The following ZBTB20 variants were observed in gnomAD, a reference collection of about 807,000 sequenced individuals.
ZBTB20 encodes zinc finger and BTB domain containing 20.
ZBTB20 carries 9 observed loss-of-function variants against 56.9 expected under a neutral mutation model. The observed-to-expected ratio is 0.16, with a 90% CI of 0.10 to 0.28. ZBTB20 has a LOEUF of 0.28. ZBTB20 is among the 10% of genes least tolerant of loss of function. The pLI is 1.00. For missense variants in ZBTB20, 655 were observed against 1,003.0 expected (o/e 0.65, Z 4.69); for synonymous variants, 417 against 420.7 (o/e 0.99, Z 0.11).
chr3:115,109,856 T>TA (rs2083824043), intron 1 of ZBTB20, among the ~76,000 whole-genome samples: 1 of 152,126 alleles, frequency 6.6e-6, no homozygotes, highest in South Asian at 2.1e-4. Flanking sequence ...ACTAGTATAT[T>TA]AAAAAATAGC....
chr3:114,443,002 T>C (rs191511505), intron 7 of ZBTB20, among the ~76,000 whole-genome samples: 1 of 152,258 alleles, frequency 6.6e-6, no homozygotes, highest in African/African-American at 2.4e-5. Flanking sequence ...TCAAGCTAGA[T>C]AAAAATGCTA....
Position 114,847,946 on chromosome 3 carries a change from A to G in ZBTB20, c.-416-46772T>C, listed in dbSNP as rs115727379. 6.0e-3 allele frequency among the ~76,000 whole-genome samples: 916 copies of G among 152,310 alleles called. 12 individuals are homozygous for G. Among genetic ancestry groups the G allele is most frequent in the African/African-American group, 0.02 (851 of 41,562 alleles). On this transcript the variant is annotated intron_variant, in intron 4 of 11. Coordinates refer to ENST00000675478, the MANE Select transcript of ZBTB20 (RefSeq NM_001348800.3). ...AAATACTTTCTAGCTTTCAGGAAGT[A>G]ATGCATCTAATTGACAGAACCACTC...
intron 3 of ZBTB20, among the ~76,000 whole-genome samples, chr3:114,907,474 G>T (rs2075364235): frequency 6.6e-6 from 1 of 151,904 alleles, no homozygotes; most frequent in Admixed American, 6.6e-5. Flanking sequence ...AGTCTGAGAT[G>T]CACCGCATAA....
intron 1 of ZBTB20, among the ~76,000 whole-genome samples, chr3:115,105,309 T>C (rs114150280): frequency 0.011 from 1,623 of 151,926 alleles, 15 homozygotes; most frequent in South Asian, 0.028. Flanking sequence ...GAATTATTTT[T>C]AGTCTCATTT....
intron 6 of ZBTB20, among the ~76,000 whole-genome samples, chr3:114,538,901 C>T (rs1188054882): frequency 6.6e-6 from 1 of 152,106 alleles, no homozygotes; most frequent in Non-Finnish European, 1.5e-5. Flanking sequence ...ATGACTTGAG[C>T]ACATGCCAAT....
chr3:114,362,162 G>A (rs2081960113), intron 10 of ZBTB20, among the ~76,000 whole-genome samples: 1 of 152,138 alleles, frequency 6.6e-6, no homozygotes, highest in African/African-American at 2.4e-5. Flanking sequence ...CCTGAATGTT[G>A]AGGAGTGTTG....
chr3:114,785,472 A>G (rs2070410859), intron 5 of ZBTB20, among the ~76,000 whole-genome samples: 1 of 152,140 alleles, frequency 6.6e-6, no homozygotes, highest in Admixed American at 6.6e-5. Flanking sequence ...GTTGAATGTT[A>G]TCAGTGGTTA....
At chr3:115,033,415 T>G (rs1235980048) in intron 2 of ZBTB20, among the ~76,000 whole-genome samples, 1 of 151,648 alleles carries the variant, frequency 6.6e-6, no homozygotes, top group African/African-American at 2.4e-5. Context: ...ATGACTTCAC[T>G]GGTGAGTTCT....
intron 6 of ZBTB20, among the ~76,000 whole-genome samples, chr3:114,507,095 A>ATTTT (rs1362523608): frequency 2.0e-5 from 3 of 152,188 alleles, no homozygotes; most frequent in African/African-American, 7.2e-5. Flanking sequence ...ATTTTAGTGC[A>ATTTT]TTTTAGGAGT....
chr3:114,797,034 T>TA (rs1028933263), intron 5 of ZBTB20, among the ~76,000 whole-genome samples: 1 of 151,784 alleles, frequency 6.6e-6, no homozygotes, highest in African/African-American at 2.4e-5. Flanking sequence ...CTGGGGCAAA[T>TA]TGCTTAACTC....
intron 2 of ZBTB20, among the ~76,000 whole-genome samples, chr3:115,039,990 A>G (rs2081077392): frequency 1.3e-5 from 2 of 152,116 alleles, no homozygotes; most frequent in Non-Finnish European, 2.9e-5. Flanking sequence ...ACAAATGATA[A>G]GTATGTGAGA....
intron 5 of ZBTB20, among the ~76,000 whole-genome samples, chr3:114,790,190 T>C (rs1311067833): frequency 1.3e-5 from 2 of 152,222 alleles, no homozygotes; most frequent in Admixed American, 6.6e-5. Context: ...AGTCTGCTTA[T>C]CTGAGAATTA....
intron 5 of ZBTB20, among the ~76,000 whole-genome samples, chr3:114,795,494 G>A (rs2071281149): frequency 6.6e-6 from 1 of 152,004 alleles, no homozygotes; most frequent in Non-Finnish European, 1.5e-5. Flanking sequence ...CTTTGCATTT[G>A]AATACAGGAT....
chr3:114,940,421 C>G (rs1159248650), intron 3 of ZBTB20, among the ~76,000 whole-genome samples: 1 of 143,964 alleles, frequency 6.9e-6, no homozygotes, highest in African/African-American at 2.9e-5. Context: ...GTATCCCATT[C>G]CTACTATAGT....
rs2078873241 is a variant in ZBTB20 at position 114,320,972 on chromosome 3, C to T, written c.*18033G>A. On this transcript the variant is annotated 3_prime_UTR_variant, in exon 12 of 12. Coordinates refer to ENST00000675478, the MANE Select transcript of ZBTB20 (RefSeq NM_001348800.3). ...CATGATTTCCACCTTTCCATAGCCT[C>T]ACTTCAAGTTCAAATGGAAATGAAA... The T allele has an allele frequency of 6.6e-6, 1 of 152,192 alleles. No homozygotes were observed. Among genetic ancestry groups the T allele is most frequent in the Non-Finnish European group, 1.5e-5 (1 of 68,036 alleles). 9.4% of individuals were successfully genotyped at this position (152,192 alleles called of 1,614,324 possible). A position where few individuals can be genotyped will look rare whatever the true frequency, so the allele number is the denominator to read the frequency against.
chr3:114,427,922 G>A (rs554958660), intron 7 of ZBTB20, among the ~76,000 whole-genome samples: 3 of 152,292 alleles, frequency 2.0e-5, no homozygotes, highest in African/African-American at 7.2e-5. Context: ...CTGAGAGAGG[G>A]CCAGGGACAC....
chr3:115,118,703 A>ATTTTTTTTTTTTTTTTTTTTT (rs35607205), intron 1 of ZBTB20, among the ~76,000 whole-genome samples: 2 of 82,174 alleles, frequency 2.4e-5, no homozygotes, highest in Admixed American at 3.4e-4. Context: ...CCTGGTACAA[A>ATTTTTTTTTTTTTTTTTTTTT]TTTTTTTTTT....
chr3:114,712,057 T>C (rs2064122226), intron 5 of ZBTB20, among the ~76,000 whole-genome samples: 1 of 152,212 alleles, frequency 6.6e-6, no homozygotes, highest in Admixed American at 6.5e-5. Context: ...AAGTTAGAAG[T>C]CCTGGCAGCG....
At chr3:114,573,196 A>G (rs952208425) in intron 6 of ZBTB20, among the ~76,000 whole-genome samples, 1 of 152,210 alleles carries the variant, frequency 6.6e-6, no homozygotes, top group African/African-American at 2.4e-5. Context: ...ATAGTGGCTC[A>G]CGCCTGTAAT....
Sources: gnomAD v4.1 joint callset for allele counts (sites outside exome capture counted in the v4.1 genomes callset) on GRCh38, gnomAD v4.1.1 for gene constraint, MANE v1.5 for transcripts, NCBI Gene and HGNC (gene_info 2026-07-23, HGNC 2026-07-21) for gene names.